The following PARD3B variants were observed in gnomAD, a reference collection of about 807,000 sequenced individuals.
PARD3B encodes the protein par-3 family cell polarity regulator beta, also known as partitioning defective 3 homolog B.
In PARD3B, 103 loss-of-function variants were observed where a neutral mutation model predicts 130.2. The ratio of observed to expected loss-of-function variants is 0.79; its 90% CI spans 0.67 to 0.93. The LOEUF is 0.93. Ranked by LOEUF, PARD3B falls within the 40% of genes least tolerant of loss-of-function variation. The pLI is 0.00. For synonymous variants in PARD3B, 583 were observed against 553.2 expected, an observed-to-expected ratio of 1.05 and a Z score of -0.76; for missense variants, 1,609 against 1,499.2, an observed-to-expected ratio of 1.07 and a Z score of -1.21.
chr2:205,473,686 A>G lies in PARD3B; in HGVS notation c.3045-26210A>G, dbSNP rs540531670. ...TGTGTGTGTGTGTGTGTGTGTATGTATATATATATATATATATATATATAC... is the reference window on the plus strand; with the variant it reads ...TGTGTGTGTGTGTGTGTGTGTATGTGTATATATATATATATATATATATAC... On this transcript the variant is annotated intron_variant, in intron 20 of 22. Transcript: ENST00000406610. The surrounding 1 kb of genome is among the most constrained non-coding windows in gnomAD (Gnocchi z 4.9). 0.26 allele frequency among the ~76,000 whole-genome samples: 16,625 copies of G among 64,636 alleles called. 1,732 individuals are homozygous for G. Among genetic ancestry groups the G allele is most frequent in the African/African-American group, 0.49 (10,516 of 21,464 alleles). The allele number at this position is 64,636 out of a possible 152,430, so 42.4% of individuals were successfully genotyped here. A position where few individuals can be genotyped will look rare whatever the true frequency, so the allele number is the denominator to read the frequency against.
chr2:204,738,906 C>G (rs2039875269), intron 2 of PARD3B, among the ~76,000 whole-genome samples: 1 of 152,154 alleles, frequency 6.6e-6, no homozygotes, highest in Non-Finnish European at 1.5e-5. Context: ...TGGTTTAAGG[C>G]CAACTGTATC....
At chr2:204,618,063 T>G (rs2034174571) in intron 1 of PARD3B, among the ~76,000 whole-genome samples, 1 of 152,224 alleles carries the variant, frequency 6.6e-6, no homozygotes, top group African/African-American at 2.4e-5. Flanking sequence ...TTTAACCATG[T>G]AATTGTGCTT....
chr2:204,690,905 T>C (rs1490285324), intron 2 of PARD3B, among the ~76,000 whole-genome samples: 1 of 152,146 alleles, frequency 6.6e-6, no homozygotes, highest in African/African-American at 2.4e-5. Flanking sequence ...TTTGCCTTCC[T>C]CCCAAAGTCC....
At chr2:205,513,553 AC>A (rs1027504533) in intron 21 of PARD3B, among the ~76,000 whole-genome samples, 1 of 152,078 alleles carries the variant, frequency 6.6e-6, no homozygotes, top group Non-Finnish European at 1.5e-5. Context: ...TAAGAAGAAA[AC>A]CTGTTAATAT....
At chr2:205,178,896 T>C (rs1374167241) in intron 13 of PARD3B, among the ~76,000 whole-genome samples, 1 of 152,198 alleles carries the variant, frequency 6.6e-6, no homozygotes, top group Non-Finnish European at 1.5e-5. Flanking sequence ...TAGAGTACAC[T>C]TCTACTTATT....
chr2:204,663,540 A>G (rs770844926), intron 1 of PARD3B, among the ~76,000 whole-genome samples: 1 of 152,226 alleles, frequency 6.6e-6, no homozygotes, highest in Non-Finnish European at 1.5e-5. Flanking sequence ...TAAAGATCGT[A>G]TTGAAGGTAG....
chr2:204,563,591 C>T (rs2031484952), intron 1 of PARD3B, among the ~76,000 whole-genome samples: 1 of 152,174 alleles, frequency 6.6e-6, no homozygotes. Flanking sequence ...AAATAGTCCA[C>T]ATATAATAAT....
intron 1 of PARD3B, among the ~76,000 whole-genome samples, chr2:204,619,218 T>A (rs1203646556): frequency 1.3e-5 from 2 of 152,170 alleles, no homozygotes; most frequent in Admixed American, 6.6e-5. Context: ...CACTTCACAT[T>A]CTAAATGTGT....
chr2:205,016,175 TA>T (rs1216799918), intron 3 of PARD3B, among the ~76,000 whole-genome samples: 1 of 152,196 alleles, frequency 6.6e-6, no homozygotes, highest in Admixed American at 6.6e-5. Flanking sequence ...AAGGCAAATA[TA>T]AAATATAAAT....
chr2:205,204,682 C>T (rs981723147), intron 15 of PARD3B, among the ~76,000 whole-genome samples: 1 of 152,080 alleles, frequency 6.6e-6, no homozygotes, highest in Non-Finnish European at 1.5e-5. Context: ...AGCAATTTTC[C>T]CAACACCATT....
Position 205,015,933 on chromosome 2 carries a change from C to T in PARD3B, c.395-31648C>T, listed in dbSNP as rs1432171864. ...TGCCTGCCTACCTAGACCGTTTCTG[C>T]ACTCCACCTGAGGCCACCACTCCCA... On this transcript the variant is annotated intron_variant, in intron 3 of 22. Coordinates refer to ENST00000406610, the MANE Select transcript of PARD3B (RefSeq NM_001302769.2). This position sits in a 1 kb window ranked among gnomAD's most constrained non-coding sequence, Gnocchi z 4.5. Among the ~76,000 whole-genome samples, 1 of 152,170 alleles carries T rather than the reference C, an allele frequency of 6.6e-6. No individual in the cohort carries two copies. The highest frequency in any genetic ancestry group is 2.4e-5 in the African/African-American group (1 of 41,440).
At chr2:205,278,235 C>T (rs1008459351) in intron 16 of PARD3B, among the ~76,000 whole-genome samples, 2 of 152,086 alleles carry the variant, frequency 1.3e-5, no homozygotes, top group Admixed American at 6.6e-5. Context: ...AGGAGAAAGT[C>T]GACTTCCTGG....
chr2:204,687,819 T>G (rs1045603985), intron 2 of PARD3B, among the ~76,000 whole-genome samples: 2 of 152,118 alleles, frequency 1.3e-5, no homozygotes, highest in Admixed American at 1.3e-4. Context: ...TTCACTGATG[T>G]CCAGAACATT....
At chr2:204,798,401 C>G (rs1030833937) in intron 2 of PARD3B, among the ~76,000 whole-genome samples, 1 of 152,030 alleles carries the variant, frequency 6.6e-6, no homozygotes, top group African/African-American at 2.4e-5. Flanking sequence ...CTTCTGCCAG[C>G]CCCCCCACAG....
At chr2:204,564,728 A>G (rs540069099) in intron 1 of PARD3B, among the ~76,000 whole-genome samples, 35 of 152,260 alleles carry the variant, frequency 2.3e-4, no homozygotes, top group South Asian at 8.3e-4. Flanking sequence ...CTGCTTTCTC[A>G]TTCAATCTGT....
At chr2:204,782,143 G>T (rs1574970009) in intron 2 of PARD3B, among the ~76,000 whole-genome samples, 1 of 152,158 alleles carries the variant, frequency 6.6e-6, no homozygotes, top group East Asian at 1.9e-4. Flanking sequence ...GTTTCCTTAT[G>T]CCAGAATGCT....
rs2048518338 is a variant in PARD3B, at chr2:205,463,435, CT to C, written c.3044+22766del. On this transcript the variant is annotated intron_variant, in intron 20 of 22. Coordinates refer to ENST00000406610, the MANE Select transcript of PARD3B (RefSeq NM_001302769.2). The surrounding 1 kb of genome is among the most constrained non-coding windows in gnomAD (Gnocchi z 4.8). ...GTTAACATTTCACTGCACATTAATT[CT>C]TTAAAAAAAAAAAAAAAAAAAAACC... Among the ~76,000 whole-genome samples, 1 of 102,754 alleles carries C rather than the reference CT, an allele frequency of 9.7e-6. No individual in the cohort carries two copies. 67.4% of individuals were successfully genotyped at this position (102,754 alleles called of 152,430 possible).
At position 205,105,483 on chromosome 2, in the gene PARD3B, G is replaced by A. The variant is rs1005688615; in HGVS notation, c.593+969G>A. 1.3e-5 allele frequency among the ~76,000 whole-genome samples: 2 copies of A among 152,118 alleles called. No individual in the cohort carries two copies. Among genetic ancestry groups the A allele is most frequent in the Non-Finnish European group, 2.9e-5 (2 of 68,028 alleles). On this transcript the variant is annotated intron_variant, in intron 5 of 22. Transcript: ENST00000406610. This position sits in a 1 kb window ranked among gnomAD's most constrained non-coding sequence, Gnocchi z 4.0. ...GCAGTTGACGTATTCCTTTCATTTA[G>A]TCCAAACAATTAACATGAAATTAGC... is the stretch of plus-strand genomic sequence containing the variant.
At chr2:204,645,059 G>C (rs538451519) in intron 1 of PARD3B, among the ~76,000 whole-genome samples, 1 of 152,202 alleles carries the variant, frequency 6.6e-6, no homozygotes, top group East Asian at 1.9e-4. Context: ...TTCTTAAAAG[G>C]GTTCTGGAGA....
Sources: allele counts gnomAD v4.1 joint callset (sites outside exome capture counted in the v4.1 genomes callset), GRCh38; gene constraint gnomAD v4.1.1; non-coding constraint Gnocchi (gnomAD v3.1); transcripts MANE v1.5; gene names NCBI Gene and HGNC (gene_info 2026-07-23, HGNC 2026-07-21).